Variants in SLC44A3 observed in about 807,000 individuals in gnomAD.
SLC44A3 encodes the protein choline transporter-like protein 3.
In SLC44A3, 74 loss-of-function variants were observed where a neutral mutation model predicts 75.4. The observed-to-expected ratio is 0.98, with a 90% CI of 0.81 to 1.19. SLC44A3 has a LOEUF of 1.19. Ranked by LOEUF, SLC44A3 falls within the 50% of genes most tolerant of loss-of-function variation. SLC44A3 has a pLI of 0.00. For missense variants in SLC44A3, 700 were observed against 778.6 expected (o/e 0.90, Z 1.20); for synonymous variants, 310 against 296.9 (o/e 1.04, Z -0.45).
chr1:94,863,033 A>C (rs1436950225), intron 10 of SLC44A3, among the ~76,000 whole-genome samples: 1 of 152,128 alleles, frequency 6.6e-6, no homozygotes, highest in Non-Finnish European at 1.5e-5. Flanking sequence ...GTCTGAGACT[A>C]GGTGGGGGCC....
At chr1:94,853,266 G>C (rs1571294745) in intron 9 of SLC44A3, among the ~76,000 whole-genome samples, 1 of 152,166 alleles carries the variant, frequency 6.6e-6, no homozygotes, top group African/African-American at 2.4e-5. Flanking sequence ...AAGTGCTGCC[G>C]CTAAAGGAAG....
chr1:94,840,988 T>A (rs1663550684), intron 7 of SLC44A3, among the ~76,000 whole-genome samples: 1 of 152,216 alleles, frequency 6.6e-6, no homozygotes, highest in Non-Finnish European at 1.5e-5. Flanking sequence ...CAGGAAGGGA[T>A]GTGTTCTGAG....
intron 3 of SLC44A3, 130 bp downstream of exon 3, chr1:94,824,765 G>A (rs745675354): frequency 1.4e-5 from 15 of 1,103,610 alleles, no homozygotes; most frequent in Non-Finnish European, 1.9e-5. Flanking sequence ...AAGGAAGGCT[G>A]TGTATATAGT....
Position 94,846,748 on chromosome 1 carries a change from T to A in SLC44A3, c.1072+1284T>A, listed in dbSNP as rs551773272. ...TACAAAAGAGTAAGTGGCTTCCTGATACTGTCACCAGACTGATAAGGACCA... is the reference window on the plus strand; with the variant it reads ...TACAAAAGAGTAAGTGGCTTCCTGAAACTGTCACCAGACTGATAAGGACCA... On this transcript the variant is annotated intron_variant, in intron 9 of 14. Coordinates refer to ENST00000271227, the MANE Select transcript of SLC44A3 (RefSeq NM_001114106.3). 9.8e-5 allele frequency among the ~76,000 whole-genome samples: 15 copies of A among 152,384 alleles called. No individual in the cohort carries two copies. The East Asian group carries it at 2.5e-3, about 25-fold the overall frequency.
chr1:94,844,441 G>T (rs1036438030), intron 8 of SLC44A3, among the ~76,000 whole-genome samples: 1 of 152,160 alleles, frequency 6.6e-6, no homozygotes, highest in African/African-American at 2.4e-5. Context: ...AAAGCACAGA[G>T]GAATAGGAGA....
chr1:94,884,132 G>A (rs561127172), intron 12 of SLC44A3, among the ~76,000 whole-genome samples: 1 of 152,278 alleles, frequency 6.6e-6, no homozygotes, highest in East Asian at 1.9e-4. Flanking sequence ...GACCCTGTTC[G>A]TGGCTTCATA....
chr1:94,834,978 G>A (rs1244918385), intron 5 of SLC44A3, among the ~76,000 whole-genome samples: 2 of 152,158 alleles, frequency 1.3e-5, no homozygotes, highest in South Asian at 2.1e-4. Flanking sequence ...CATGTTCCTC[G>A]ATAGGATTCT....
At chr1:94,858,047 C>T (rs1038326036) in intron 10 of SLC44A3, among the ~76,000 whole-genome samples, 1 of 151,848 alleles carries the variant, frequency 6.6e-6, no homozygotes, top group East Asian at 1.9e-4. Context: ...CTCTTGACCT[C>T]GTGATATGCC....
intron 12 of SLC44A3, among the ~76,000 whole-genome samples, chr1:94,890,837 A>G (rs536536587): frequency 6.6e-6 from 1 of 152,168 alleles, no homozygotes; most frequent in Non-Finnish European, 1.5e-5. Flanking sequence ...ACAGTGTAAG[A>G]CTGTCTCAAA....
intron 12 of SLC44A3, among the ~76,000 whole-genome samples, chr1:94,880,703 C>T (rs1243367189): frequency 6.6e-6 from 1 of 152,014 alleles, no homozygotes; most frequent in Non-Finnish European, 1.5e-5. Flanking sequence ...AGTCAAAAAT[C>T]ATGGAAACAA....
At chr1:94,893,002 T>C (rs1222271212) in intron 14 of SLC44A3, among the ~76,000 whole-genome samples, 1 of 152,222 alleles carries the variant, frequency 6.6e-6, no homozygotes, top group Non-Finnish European at 1.5e-5. Flanking sequence ...TCAGGCCCTT[T>C]ATTAGCCCAG....
intron 12 of SLC44A3, among the ~76,000 whole-genome samples, chr1:94,867,900 A>G (rs9432597): frequency 0.22 from 33,989 of 152,080 alleles, 3,910 homozygotes; most frequent in African/African-American, 0.28. Context: ...ATAAAGAGGG[A>G]AGGGAGTATT....
At chr1:94,852,807 AT>A (rs1160390476) in intron 9 of SLC44A3, among the ~76,000 whole-genome samples, 3 of 152,160 alleles carry the variant, frequency 2.0e-5, no homozygotes, top group African/African-American at 7.2e-5. Flanking sequence ...ACTCTGAGGG[AT>A]TTTGGCCTGA....
chr1:94,823,799 G>T (rs543846421), intron 2 of SLC44A3, among the ~76,000 whole-genome samples: 3 of 152,160 alleles, frequency 2.0e-5, no homozygotes, highest in Non-Finnish European at 4.4e-5. Context: ...TTTGCATTAT[G>T]GGAAGATACA....
chr1:94,846,661 A>G (rs1037816292), intron 9 of SLC44A3, among the ~76,000 whole-genome samples: 3 of 152,224 alleles, frequency 2.0e-5, no homozygotes, highest in African/African-American at 7.2e-5. Flanking sequence ...CACTGTCCAG[A>G]TCTTTTCTAA....
rs1162861214 is a variant in SLC44A3 at position 94,867,347 on chromosome 1, C to G, written c.1412C>G (p.Ser471Cys). 1 of 1,598,810 alleles carries G rather than the reference C, an allele frequency of 6.3e-7. No homozygotes were observed. The highest frequency in any genetic ancestry group is 1.3e-5 in the African/African-American group (1 of 74,452). ...ALKEQQHGAL[S>C]RYLFRCCYCC... is the part of the protein sequence containing the mutation. ...CTGATCCAGCAGCATGGTGCATTGT[C>G]CAGGTACCTGTTCCGATGCTGCTAC... Residue 471 changes from serine to cysteine, a missense_variant, in exon 12 of 15, where the codon TCC becomes TGC. By Grantham distance (112) the Ser-to-Cys change is moderately radical. Coordinates refer to ENST00000271227, the MANE Select transcript of SLC44A3 (RefSeq NM_001114106.3).
chr1:94,892,563 C>A, intron 14 of SLC44A3, 46 bp downstream of exon 14: 1 of 1,572,896 alleles, frequency 6.4e-7, no homozygotes, highest in Middle Eastern at 1.7e-4. Context: ...TGCTCGCAAT[C>A]TTGAAAGTTT....
chr1:94,871,318 G>A (rs980935734), intron 12 of SLC44A3, among the ~76,000 whole-genome samples: 4 of 152,206 alleles, frequency 2.6e-5, no homozygotes, highest in African/African-American at 7.2e-5. Context: ...GAAAAGGCTG[G>A]TCAGGGTGGC....
chr1:94,854,941 C>T (rs1411823113), intron 9 of SLC44A3, among the ~76,000 whole-genome samples: 1 of 152,048 alleles, frequency 6.6e-6, no homozygotes, highest in East Asian at 1.9e-4. Context: ...AAACCCTGCC[C>T]TAAAGGAAAG....
Sources: gnomAD v4.1 joint callset for allele counts (sites outside exome capture counted in the v4.1 genomes callset) on GRCh38, gnomAD v4.1.1 for gene constraint, MANE v1.5 for transcripts, NCBI Gene and HGNC (gene_info 2026-07-23, HGNC 2026-07-21) for gene names.